Variants in MRPS27 observed in about 807,000 individuals in gnomAD.
MRPS27 encodes the protein small ribosomal subunit protein mS27.
In MRPS27, 43 loss-of-function variants were observed where a neutral mutation model predicts 48.9. The ratio of observed to expected loss-of-function variants is 0.88; its 90% CI spans 0.69 to 1.13. MRPS27 has a LOEUF of 1.13. Among genes scored for constraint, MRPS27 ranks in the 50% most tolerant of loss-of-function variants. The probability of loss-of-function intolerance (pLI) is 0.00; values close to 1 mark genes in which losing one functional copy is unlikely to be tolerated. For synonymous variants in MRPS27, 188 were observed against 171.9 expected (o/e 1.09, Z -0.73); for missense variants, 467 against 476.3 (o/e 0.98, Z 0.18).
chr5:72,304,476 A>G (rs1750208035), intron 2 of MRPS27, among the ~76,000 whole-genome samples: 1 of 152,218 alleles, frequency 6.6e-6, no homozygotes, highest in Admixed American at 6.5e-5. Context: ...AGAGTTGAAA[A>G]TTATTAAAAA....
At chr5:72,268,923 G>A (rs541829908) in intron 4 of MRPS27, among the ~76,000 whole-genome samples, 1 of 152,152 alleles carries the variant, frequency 6.6e-6, no homozygotes, top group Non-Finnish European at 1.5e-5. Context: ...AAGGCAGGGG[G>A]TTAGTGTAAA....
chr5:72,297,355 T>C (rs537517877), intron 3 of MRPS27, among the ~76,000 whole-genome samples: 7 of 152,270 alleles, frequency 4.6e-5, no homozygotes, highest in Admixed American at 3.9e-4. Flanking sequence ...AAACTGATGG[T>C]ATCATACAGC....
intron 2 of MRPS27, among the ~76,000 whole-genome samples, chr5:72,308,266 T>C (rs1750334381): frequency 6.6e-6 from 1 of 152,040 alleles, no homozygotes; most frequent in South Asian, 2.1e-4. Flanking sequence ...GGCCAGAACC[T>C]CTCTCTCGCC....
At chr5:72,285,209 C>G (rs1281335422) in intron 4 of MRPS27, among the ~76,000 whole-genome samples, 1 of 152,154 alleles carries the variant, frequency 6.6e-6, no homozygotes, top group Non-Finnish European at 1.5e-5. Flanking sequence ...AGGCAGTTTC[C>G]ATAAAGCTAG....
intron 4 of MRPS27, among the ~76,000 whole-genome samples, chr5:72,294,301 A>C (rs952405455): frequency 2.0e-5 from 3 of 152,196 alleles, no homozygotes; most frequent in East Asian, 1.9e-4. Context: ...ACTACTCCCC[A>C]AAAAACCCCC....
At chr5:72,280,125 T>C (rs1749496580) in intron 4 of MRPS27, among the ~76,000 whole-genome samples, 1 of 152,216 alleles carries the variant, frequency 6.6e-6, no homozygotes, top group Non-Finnish European at 1.5e-5. Flanking sequence ...TTTTGTAGCT[T>C]TCTAATAAGT....
intron 4 of MRPS27, among the ~76,000 whole-genome samples, chr5:72,247,330 A>G (rs903577837): frequency 4.2e-4 from 64 of 152,330 alleles, no homozygotes; most frequent in African/African-American, 1.4e-3. Context: ...CAATAAGCCT[A>G]TATCTACTCA....
intron 4 of MRPS27, among the ~76,000 whole-genome samples, chr5:72,262,985 G>A (rs115915153): frequency 0.028 from 4,214 of 152,002 alleles, 202 homozygotes; most frequent in African/African-American, 0.096. Context: ...AGTACTGAAT[G>A]GATCCTCTAT....
At chr5:72,264,009 T>G (rs1749046197) in intron 4 of MRPS27, among the ~76,000 whole-genome samples, 1 of 152,150 alleles carries the variant, frequency 6.6e-6, no homozygotes, top group African/African-American at 2.4e-5. Context: ...CATCAACAGA[T>G]GAGTGAATAA....
At chr5:72,285,422 G>A (rs1164354897) in intron 4 of MRPS27, among the ~76,000 whole-genome samples, 1 of 152,176 alleles carries the variant, frequency 6.6e-6, no homozygotes, top group Admixed American at 6.5e-5. Flanking sequence ...CATAAATTCA[G>A]TAAATTTATC....
At chr5:72,244,627 C>A (rs1478751274) in intron 4 of MRPS27, among the ~76,000 whole-genome samples, 1 of 152,166 alleles carries the variant, frequency 6.6e-6, no homozygotes, top group Non-Finnish European at 1.5e-5. Context: ...TTTGCTCAGG[C>A]ATGGTGATCT....
At chr5:72,292,203 GTTT>G (rs1213885749) in intron 4 of MRPS27, among the ~76,000 whole-genome samples, 6 of 92,130 alleles carry the variant, frequency 6.5e-5, no homozygotes, top group African/African-American at 1.8e-4. Context: ...GGTATTACCA[GTTT>G]TTTTTTTTTT....
chr5:72,234,846 T>C (rs1748159674), intron 5 of MRPS27, among the ~76,000 whole-genome samples: 1 of 152,118 alleles, frequency 6.6e-6, no homozygotes, highest in Admixed American at 6.6e-5. Flanking sequence ...ACCCTGAATT[T>C]TTAGTGAGCT....
At chr5:72,223,085 C>T (rs12108879) in intron 10 of MRPS27, among the ~76,000 whole-genome samples, 9,831 of 152,196 alleles carry the variant, frequency 0.065, 1,030 homozygotes, top group African/African-American at 0.22. Flanking sequence ...ACGGTTCTTT[C>T]CTGACACTGA....
chr5:72,302,025 A>G (rs1172201498), intron 2 of MRPS27, among the ~76,000 whole-genome samples: 1 of 152,264 alleles, frequency 6.6e-6, no homozygotes, highest in Non-Finnish European at 1.5e-5. Flanking sequence ...TCAGCTCCTC[A>G]GGAATACATA....
chr5:72,221,292 C>A, intron 10 of MRPS27, 144 bp from the exon 11 acceptor site: 1 of 1,030,746 alleles, frequency 9.7e-7, no homozygotes, highest in South Asian at 1.6e-5. Context: ...TCTAGTGGCC[C>A]AGAATGAAGT....
intron 9 of MRPS27, 59 bp from the exon 10 acceptor site, chr5:72,223,909 A>G: frequency 6.4e-7 from 1 of 1,567,368 alleles, no homozygotes; most frequent in South Asian, 1.1e-5. Context: ...GCACATGGTG[A>G]AGAAAGGCTA....
intron 4 of MRPS27, chr5:72,241,536 G>T: frequency 9.1e-7 from 1 of 1,093,422 alleles, no homozygotes; most frequent in African/African-American, 1.6e-5. Flanking sequence ...GCAAGTTTGA[G>T]AAGAATTCCT....
intron 4 of MRPS27, among the ~76,000 whole-genome samples, chr5:72,261,840 C>T (rs1177818484): frequency 6.6e-6 from 1 of 152,216 alleles, no homozygotes; most frequent in Non-Finnish European, 1.5e-5. Flanking sequence ...GAGATTTCAT[C>T]TGTAGGTCAA....
Sources: allele counts gnomAD v4.1 joint callset (sites outside exome capture counted in the v4.1 genomes callset), GRCh38; gene constraint gnomAD v4.1.1; transcripts MANE v1.5; gene names NCBI Gene and HGNC (gene_info 2026-07-23, HGNC 2026-07-21).